The following LDAH variants were observed in gnomAD, a reference collection of about 807,000 sequenced individuals.
LDAH encodes lipid droplet-associated hydrolase.
A neutral mutation model predicts 29.6 loss-of-function variants in LDAH; 26 were observed. The observed-to-expected ratio is 0.88, with a 90% CI of 0.64 to 1.22. The LOEUF is 1.22. Ranked by LOEUF, LDAH falls within the 50% of genes most tolerant of loss-of-function variation. LDAH has a pLI of 0.00. For synonymous variants in LDAH, 117 were observed against 133.0 expected, an observed-to-expected ratio of 0.88 and a Z score of 0.83; for missense variants, 344 against 387.3, an observed-to-expected ratio of 0.89 and a Z score of 0.94.
At chr2:20,787,165 G>A (rs1398257564) in intron 3 of LDAH, among the ~76,000 whole-genome samples, 1 of 152,150 alleles carries the variant, frequency 6.6e-6, no homozygotes, top group Non-Finnish European at 1.5e-5. Flanking sequence ...AACGGCACTA[G>A]TGTCTTCTAC....
intron 5 of LDAH, among the ~76,000 whole-genome samples, chr2:20,728,284 T>C (rs555031850): frequency 6.6e-6 from 1 of 152,300 alleles, no homozygotes; most frequent in East Asian, 1.9e-4. Flanking sequence ...GGTCGTTGTC[T>C]GGATGATAGT....
At chr2:20,773,195 A>G (rs1355943759) in intron 4 of LDAH, among the ~76,000 whole-genome samples, 1 of 152,212 alleles carries the variant, frequency 6.6e-6, no homozygotes. Context: ...GATGCTTTAT[A>G]TAATTCCTCA....
chr2:20,799,188 A>G (rs1319596525), intron 2 of LDAH, among the ~76,000 whole-genome samples: 2 of 152,168 alleles, frequency 1.3e-5, no homozygotes, highest in African/African-American at 4.8e-5. Context: ...AGATCATACC[A>G]CTGCACTCCA....
At chr2:20,690,001 C>T (rs189754748) in intron 6 of LDAH, among the ~76,000 whole-genome samples, 19 of 152,348 alleles carry the variant, frequency 1.2e-4, no homozygotes, top group Non-Finnish European at 2.5e-4. Context: ...GTACGCACCG[C>T]TGTTGCTTTC....
chr2:20,805,638 T>A (rs961318108), intron 1 of LDAH, among the ~76,000 whole-genome samples: 3 of 152,160 alleles, frequency 2.0e-5, no homozygotes, highest in Admixed American at 2.0e-4. Flanking sequence ...CAAGCGTGCA[T>A]ACAATCTGTG....
chr2:20,744,515 T>C (rs918712558), intron 4 of LDAH, among the ~76,000 whole-genome samples: 18 of 152,166 alleles, frequency 1.2e-4, no homozygotes, highest in African/African-American at 4.3e-4. Context: ...CCTTCTCTGA[T>C]GCAGAAGGTT....
At chr2:20,771,776 AC>A in intron 4 of LDAH, among the ~76,000 whole-genome samples, 1 of 938 alleles carries the variant, frequency 1.1e-3, no homozygotes, top group East Asian at 0.045. Context: ...AATTTATTGC[AC>A]ACATTATTTT....
intron 4 of LDAH, among the ~76,000 whole-genome samples, chr2:20,742,793 CTTT>C (rs71391767): frequency 2.7e-4 from 31 of 114,400 alleles, no homozygotes; most frequent in Non-Finnish European, 4.6e-4. Flanking sequence ...TTTCTTTTTC[CTTT>C]TTTTTTTTTT....
At chr2:20,711,690 G>A (rs1664777450) in intron 5 of LDAH, among the ~76,000 whole-genome samples, 1 of 152,140 alleles carries the variant, frequency 6.6e-6, no homozygotes, top group African/African-American at 2.4e-5. Context: ...CTCAAATACT[G>A]CACTTTTCCA....
chr2:20,692,085 T>A (rs981263240), intron 6 of LDAH, among the ~76,000 whole-genome samples: 1 of 152,146 alleles, frequency 6.6e-6, no homozygotes, highest in Non-Finnish European at 1.5e-5. Flanking sequence ...TTAAAATGAG[T>A]TCCACCAAAA....
At chr2:20,690,262 T>A (rs1325830884) in intron 6 of LDAH, among the ~76,000 whole-genome samples, 1 of 152,164 alleles carries the variant, frequency 6.6e-6, no homozygotes, top group Non-Finnish European at 1.5e-5. Flanking sequence ...GCACACACTG[T>A]CCAAGGCATG....
chr2:20,751,121 A>G (rs1667943544), intron 4 of LDAH, among the ~76,000 whole-genome samples: 1 of 152,236 alleles, frequency 6.6e-6, no homozygotes, highest in Admixed American at 6.5e-5. Context: ...AAACCTGCAC[A>G]TGTACCCCCG....
Position 20,712,283 on chromosome 2 carries a change from C to T in LDAH, c.704-10631G>A, listed in dbSNP as rs576961608. On this transcript the variant is annotated intron_variant, in intron 5 of 6. Transcript: ENST00000237822. ...CCTCCAGCAAACTCCAACAGACCTG[C>T]GGCTGAGAGACCTGACTGTTAGAAG... Among the ~76,000 whole-genome samples, 4 of 152,268 alleles carry T rather than the reference C, an allele frequency of 2.6e-5. No individual in the cohort carries two copies. The South Asian group carries it at 6.2e-4, about 24-fold the overall frequency.
intron 2 of LDAH, among the ~76,000 whole-genome samples, chr2:20,795,937 G>A (rs974399512): frequency 1.6e-5 from 2 of 128,140 alleles, no homozygotes; most frequent in African/African-American, 2.9e-5. Context: ...TAGCTCCCCC[G>A]AAACCTGCCA....
intron 3 of LDAH, chr2:20,789,350 G>C: frequency 6.6e-7 from 1 of 1,516,846 alleles, no homozygotes; most frequent in Non-Finnish European, 8.8e-7. Context: ...CCTGTGAATC[G>C]GGAAGTAGGT....
At position 20,787,986 on chromosome 2, in the gene LDAH, A is replaced by G. The variant is rs117956416; in HGVS notation, c.298+2269T>C. On this transcript the variant is annotated intron_variant, in intron 3 of 6. Coordinates refer to ENST00000237822, the MANE Select transcript of LDAH (RefSeq NM_021925.4). ...TAGTGCCAAGGTGCTAACGTTTGTT[A>G]GGCTTTAGGCTGAAAATGTTTAAGC... Among the ~76,000 whole-genome samples the G allele has an allele frequency of 2.6e-4, 40 of 152,318 alleles. No homozygotes were observed. In the East Asian group the frequency reaches 7.3e-3, roughly 28 times the overall value.
intron 2 of LDAH, among the ~76,000 whole-genome samples, chr2:20,793,547 T>A (rs1173914407): frequency 6.6e-6 from 1 of 152,164 alleles, no homozygotes; most frequent in Non-Finnish European, 1.5e-5. Flanking sequence ...ACAAGAGATA[T>A]CAAATCTTGT....
In LDAH at chr2:20,774,795, T is replaced by C. The variant is rs964547794; in HGVS notation, c.468+15A>G. Reference sequence around the variant, plus strand: ...ACAGTCCAGCACCCACAGTTACCTCTGGAGACCTACTTACCGGGAGCTCAG... The same window carrying C: ...ACAGTCCAGCACCCACAGTTACCTCCGGAGACCTACTTACCGGGAGCTCAG... On this transcript the variant is annotated intron_variant, in intron 4 of 6. Transcript: ENST00000237822. 9.9e-6 allele frequency: 16 copies of C among 1,612,052 alleles called. No individual in the cohort carries two copies. Among genetic ancestry groups the C allele is most frequent in the African/African-American group, 2.7e-5 (2 of 74,858 alleles).
chr2:20,742,164 G>A (rs1297759113), intron 4 of LDAH, among the ~76,000 whole-genome samples: 1 of 152,096 alleles, frequency 6.6e-6, no homozygotes, highest in Non-Finnish European at 1.5e-5. Context: ...CTGAGAGCAG[G>A]CATTATATAA....
Sources: allele counts gnomAD v4.1 joint callset (sites outside exome capture counted in the v4.1 genomes callset), GRCh38; gene constraint gnomAD v4.1.1; transcripts MANE v1.5; gene names NCBI Gene and HGNC (gene_info 2026-07-23, HGNC 2026-07-21).